The following AEBP2 variants were observed in gnomAD, a reference collection of about 807,000 sequenced individuals.
AEBP2 encodes the protein zinc finger protein AEBP2.
In AEBP2, 10 loss-of-function variants were observed where a neutral mutation model predicts 50.8. The ratio of observed to expected loss-of-function variants is 0.20; its 90% confidence interval spans 0.12 to 0.33. The LOEUF is 0.33. AEBP2 is among the 10% of genes least tolerant of loss of function. The pLI is 1.00. For missense variants in AEBP2, 570 were observed against 688.0 expected, an observed-to-expected ratio of 0.83 and a Z score of 1.92; for synonymous variants, 296 against 261.3, an observed-to-expected ratio of 1.13 and a Z score of -1.28.
intron 3 of AEBP2, among the ~76,000 whole-genome samples, chr12:19,478,454 A>G (rs960678822): frequency 3.6e-4 from 54 of 151,790 alleles, no homozygotes; most frequent in African/African-American, 1.3e-3. Context: ...GGGCCACCAC[A>G]CCCAGCTAAG....
intron 7 of AEBP2, among the ~76,000 whole-genome samples, chr12:19,517,209 A>AT (rs1949332611): frequency 6.6e-6 from 1 of 152,216 alleles, no homozygotes; most frequent in African/African-American, 2.4e-5. Context: ...TGTGAAATTA[A>AT]TTAAAAGAAG....
At chr12:19,505,182 GTCC>G (rs1383870180) in intron 5 of AEBP2, among the ~76,000 whole-genome samples, 2 of 152,220 alleles carry the variant, frequency 1.3e-5, no homozygotes, top group Non-Finnish European at 2.9e-5. Context: ...GCTGGTTGAA[GTCC>G]TCCTTTGAAA....
intron 5 of AEBP2, among the ~76,000 whole-genome samples, chr12:19,501,801 T>G (rs200495509): frequency 3.9e-4 from 44 of 112,416 alleles, no homozygotes; most frequent in Admixed American, 9.9e-4. Flanking sequence ...GAGTTTGTTT[T>G]TTTTTTTTTT....
chr12:19,415,748 A>G (rs1359354596), intron 1 of AEBP2, among the ~76,000 whole-genome samples: 1 of 151,852 alleles, frequency 6.6e-6, no homozygotes, highest in Non-Finnish European at 1.5e-5. Flanking sequence ...TTTCATTACT[A>G]GGGTGTAGGA....
intron 1 of AEBP2, among the ~76,000 whole-genome samples, chr12:19,447,866 ATAAAG>A (rs1948100702): frequency 6.6e-6 from 1 of 152,232 alleles, no homozygotes; most frequent in Admixed American, 6.5e-5. Context: ...ACAAAACAGT[ATAAAG>A]TAATTTGGAG....
At chr12:19,480,551 T>G (rs1948711893) in intron 3 of AEBP2, among the ~76,000 whole-genome samples, 1 of 152,244 alleles carries the variant, frequency 6.6e-6, no homozygotes, top group South Asian at 2.1e-4. Flanking sequence ...TTATGAAGCT[T>G]AGTTTTGCTG....
chr12:19,417,168 G>A (rs1027102040), intron 1 of AEBP2, among the ~76,000 whole-genome samples: 4 of 151,414 alleles, frequency 2.6e-5, no homozygotes, highest in Middle Eastern at 3.4e-3. Flanking sequence ...CACTGCGCCC[G>A]GCCCCTATCC....
chr12:19,407,535 C>T (rs532359134), intron 1 of AEBP2, among the ~76,000 whole-genome samples: 2 of 152,112 alleles, frequency 1.3e-5, no homozygotes, highest in Non-Finnish European at 2.9e-5. Context: ...AACTCCTGAC[C>T]TCATGATCTG....
chr12:19,506,125 C>A (rs1171091596), intron 5 of AEBP2, among the ~76,000 whole-genome samples: 1 of 150,870 alleles, frequency 6.6e-6, no homozygotes, highest in Non-Finnish European at 1.5e-5. Flanking sequence ...GAGACAGAGC[C>A]TTGCTGTGTC....
intron 1 of AEBP2, among the ~76,000 whole-genome samples, chr12:19,445,769 G>A (rs1948051100): frequency 6.6e-6 from 1 of 152,164 alleles, no homozygotes; most frequent in South Asian, 2.1e-4. Flanking sequence ...TTTGATTACA[G>A]CATGTACATT....
chr12:19,455,944 C>CTT (rs34819318), intron 1 of AEBP2, among the ~76,000 whole-genome samples: 4 of 140,842 alleles, frequency 2.8e-5, no homozygotes, highest in Middle Eastern at 3.4e-3. Context: ...TCAAAGAGAT[C>CTT]TTTTTTTTTT....
At chr12:19,499,184 CCA>C (rs1419541493) in intron 4 of AEBP2, among the ~76,000 whole-genome samples, 3 of 152,022 alleles carry the variant, frequency 2.0e-5, no homozygotes, top group African/African-American at 7.3e-5. Context: ...AGTAGTTTGC[CCA>C]CAGTCACACA....
intron 1 of AEBP2, among the ~76,000 whole-genome samples, chr12:19,418,406 T>G (rs2153364137): frequency 6.7e-6 from 1 of 149,166 alleles, no homozygotes; most frequent in African/African-American, 2.5e-5. Flanking sequence ...TTTTTTTTTT[T>G]TTTTTGTGGA....
chr12:19,493,459 C>G (rs1018796967), intron 3 of AEBP2, among the ~76,000 whole-genome samples: 7 of 152,192 alleles, frequency 4.6e-5, no homozygotes, highest in Admixed American at 1.3e-4. Context: ...TTATTTGTTG[C>G]AAAAACAGCT....
At chr12:19,515,023 G>T in intron 7 of AEBP2, among the ~76,000 whole-genome samples, 1 of 151,808 alleles carries the variant, frequency 6.6e-6, no homozygotes, top group East Asian at 1.9e-4. Flanking sequence ...TTTATCTTAA[G>T]TATGTTAGAT....
At chr12:19,487,420 T>C (rs1948826271) in intron 3 of AEBP2, among the ~76,000 whole-genome samples, 1 of 152,140 alleles carries the variant, frequency 6.6e-6, no homozygotes, top group Non-Finnish European at 1.5e-5. Context: ...CGTATGCTTT[T>C]GAAAGAGAAA....
chr12:19,461,456 A>G (rs943482730), intron 1 of AEBP2, among the ~76,000 whole-genome samples: 5 of 152,020 alleles, frequency 3.3e-5, no homozygotes, highest in Non-Finnish European at 7.4e-5. Flanking sequence ...ATTTTTTGAG[A>G]TGGTGTTTTG....
chr12:19,409,389 C>A (rs1242699045), intron 1 of AEBP2, among the ~76,000 whole-genome samples: 1 of 151,848 alleles, frequency 6.6e-6, no homozygotes, highest in Admixed American at 6.6e-5. Context: ...ATCCTACATA[C>A]CCTTGGAAAA....
chr12:19,499,786 T>G (rs113237013), intron 4 of AEBP2, among the ~76,000 whole-genome samples: 2,103 of 152,270 alleles, frequency 0.014, 40 homozygotes, highest in African/African-American at 0.048. Context: ...ATAACAGACC[T>G]TATGCTGAGG....
Sources: allele counts gnomAD v4.1 joint callset (sites outside exome capture counted in the v4.1 genomes callset), GRCh38; gene constraint gnomAD v4.1.1; transcripts MANE v1.5; gene names NCBI Gene and HGNC (gene_info 2026-07-23, HGNC 2026-07-21).